The following ATP9A variants were observed in gnomAD, a reference collection of about 807,000 sequenced individuals.
The protein encoded by ATP9A is ATPase phospholipid transporting 9A.
Under a neutral mutation model 144.1 loss-of-function variants are expected in ATP9A, and 52 were observed. The ratio of observed to expected loss-of-function variants is 0.36; its 90% CI spans 0.29 to 0.45. ATP9A has a LOEUF of 0.45. ATP9A is among the 20% of genes least tolerant of loss of function. The pLI, the probability that ATP9A is intolerant of heterozygous loss-of-function variation, is 1.00. For missense variants in ATP9A, 947 were observed against 1,392.7 expected (o/e 0.68, Z 5.09); for synonymous variants, 582 against 557.4 (o/e 1.04, Z -0.62).
chr20:51,764,125 T>G (rs1424186593), intron 1 of ATP9A, among the ~76,000 whole-genome samples: 2 of 152,184 alleles, frequency 1.3e-5, no homozygotes, highest in African/African-American at 4.8e-5. Flanking sequence ...TAAAAAACTA[T>G]GAGATACATA....
chr20:51,711,387 C>G (rs975200634), intron 4 of ATP9A, among the ~76,000 whole-genome samples: 1 of 152,222 alleles, frequency 6.6e-6, no homozygotes, highest in South Asian at 2.1e-4. Flanking sequence ...CTGAAAACCC[C>G]GAAGGAACCA....
chr20:51,609,179 G>A (rs979875357), intron 24 of ATP9A, among the ~76,000 whole-genome samples: 3 of 152,100 alleles, frequency 2.0e-5, no homozygotes, highest in South Asian at 2.1e-4. Context: ...GAGGACCCAC[G>A]GGAAAGATGG....
At chr20:51,642,726 CAAAAAAAAAAAAAAAAAA>C (rs778440862) in intron 14 of ATP9A, among the ~76,000 whole-genome samples, 19 of 31,150 alleles carry the variant, frequency 6.1e-4, no homozygotes, top group South Asian at 1.6e-3. Context: ...ACTCTGTCTC[CAAAAAAAAAAAAAAAAAA>C]AAAAAAAAAA....
intron 1 of ATP9A, among the ~76,000 whole-genome samples, chr20:51,752,044 GAAC>G (rs2077834529): frequency 1.1e-5 from 1 of 87,846 alleles, no homozygotes; most frequent in South Asian, 4.0e-4. Flanking sequence ...GGCAAGGTAG[GAAC>G]AACAACAAAA....
intron 4 of ATP9A, among the ~76,000 whole-genome samples, chr20:51,699,888 G>A (rs184010411): frequency 6.6e-5 from 10 of 152,094 alleles, no homozygotes; most frequent in African/African-American, 1.9e-4. Context: ...TGATCCACCC[G>A]CCTCGGCCTC....
chr20:51,676,625 C>A (rs985890976), intron 9 of ATP9A, among the ~76,000 whole-genome samples: 3 of 152,118 alleles, frequency 2.0e-5, no homozygotes, highest in African/African-American at 7.2e-5. Flanking sequence ...ATTACAGGCA[C>A]CTGCCACCAC....
chr20:51,759,015 T>C (rs2077868052), intron 1 of ATP9A, among the ~76,000 whole-genome samples: 1 of 152,150 alleles, frequency 6.6e-6, no homozygotes, highest in South Asian at 2.1e-4. Context: ...CTCTGTGGGT[T>C]TGCAACAACA....
At chr20:51,762,085 C>G (rs1744137393) in intron 1 of ATP9A, among the ~76,000 whole-genome samples, 1 of 152,092 alleles carries the variant, frequency 6.6e-6, no homozygotes, top group South Asian at 2.1e-4. Context: ...CTGGGCCGGG[C>G]CAGGGTCAGT....
At chr20:51,690,360 C>A (rs1287580174) in intron 8 of ATP9A, among the ~76,000 whole-genome samples, 2 of 152,018 alleles carry the variant, frequency 1.3e-5, no homozygotes, top group Non-Finnish European at 2.9e-5. Context: ...ACGGAGCCTG[C>A]AGTGAGCCGA....
At chr20:51,632,715 C>G (rs1245908886) in intron 15 of ATP9A, among the ~76,000 whole-genome samples, 3 of 152,008 alleles carry the variant, frequency 2.0e-5, no homozygotes, top group African/African-American at 7.2e-5. Flanking sequence ...GTTCCACCAA[C>G]CCAACCAAAG....
chr20:51,707,125 C>T (rs940293301), intron 4 of ATP9A, among the ~76,000 whole-genome samples: 2 of 152,184 alleles, frequency 1.3e-5, no homozygotes, highest in Non-Finnish European at 2.9e-5. Flanking sequence ...TTTACCAGGG[C>T]ATGCCATCTG....
chr20:51,663,122 T>G (rs1297242435), intron 13 of ATP9A, among the ~76,000 whole-genome samples: 2 of 152,154 alleles, frequency 1.3e-5, no homozygotes, highest in Non-Finnish European at 2.9e-5. Flanking sequence ...ACCCAAAGAA[T>G]GCCGTACAGC....
At chr20:51,749,610 T>C (rs1015072836) in intron 1 of ATP9A, among the ~76,000 whole-genome samples, 40 of 152,288 alleles carry the variant, frequency 2.6e-4, no homozygotes, top group African/African-American at 9.4e-4. Flanking sequence ...GGTATATTAA[T>C]AATAGAATAA....
chr20:51,602,602 C>T (rs1468056870), intron 27 of ATP9A, among the ~76,000 whole-genome samples: 4 of 152,240 alleles, frequency 2.6e-5, no homozygotes, highest in Non-Finnish European at 5.9e-5. Flanking sequence ...ACAGTAAATG[C>T]TCACAAATCC....
chr20:51,602,460 G>C (rs927062643), intron 27 of ATP9A, among the ~76,000 whole-genome samples: 1 of 152,180 alleles, frequency 6.6e-6, no homozygotes, highest in African/African-American at 2.4e-5. Context: ...CCACATCTCT[G>C]TGACCACCTC....
At chr20:51,615,883 AC>A (rs2077201373) in intron 22 of ATP9A, among the ~76,000 whole-genome samples, 1 of 152,054 alleles carries the variant, frequency 6.6e-6, no homozygotes, top group Non-Finnish European at 1.5e-5. Context: ...TAATCTGCCC[AC>A]CTCGGCCTCC....
chr20:51,654,462 T>TA (rs1044815012), intron 14 of ATP9A, among the ~76,000 whole-genome samples: 62 of 147,834 alleles, frequency 4.2e-4, no homozygotes, highest in South Asian at 6.4e-4. Flanking sequence ...TAAAATGGGT[T>TA]AAAAAAAAAA....
In ATP9A at chr20:51,613,658, G is replaced by C. The variant is rs1171082907; in HGVS notation, c.2571+19C>G. On this transcript the variant is annotated intron_variant, in intron 23 of 27. Coordinates refer to ENST00000338821, the MANE Select transcript of ATP9A (RefSeq NM_006045.3). ...TATAGCCACAGGCACATGTGCAGAGGGGCCAGCTGTCCACTCACCTGCATG... is the reference window on the plus strand; with the variant it reads ...TATAGCCACAGGCACATGTGCAGAGCGGCCAGCTGTCCACTCACCTGCATG... The C allele has an allele frequency of 6.2e-7, 1 of 1,606,494 alleles. No individual in the cohort carries two copies. The highest frequency in any genetic ancestry group is 1.1e-5 in the South Asian group (1 of 90,424).
At position 51,686,154 on chromosome 20, in the gene ATP9A, G is replaced by A. The variant is rs543514763; in HGVS notation, c.799+2910C>T. On this transcript the variant is annotated intron_variant, in intron 9 of 27. Transcript: ENST00000338821. ...CATGGCATGTTCTCACTCATAGGTGGGAAATGAACAGTAAGAACACTTGGA... is the reference window on the plus strand; with the variant it reads ...CATGGCATGTTCTCACTCATAGGTGAGAAATGAACAGTAAGAACACTTGGA... Among the ~76,000 whole-genome samples, 6 of 152,222 alleles carry A rather than the reference G, an allele frequency of 3.9e-5. No individual in the cohort carries two copies. The South Asian group carries it at 1.2e-3, about 32-fold the overall frequency.
Sources: allele counts gnomAD v4.1 joint callset (sites outside exome capture counted in the v4.1 genomes callset), GRCh38; gene constraint gnomAD v4.1.1; transcripts MANE v1.5; gene names NCBI Gene and HGNC (gene_info 2026-07-23, HGNC 2026-07-21).